ADAT1: variants seen among roughly 807,000 people sequenced by gnomAD.
ADAT1 encodes the protein tRNA-specific adenosine deaminase 1.
A neutral mutation model predicts 58.6 loss-of-function variants in ADAT1; 58 were observed. The observed-to-expected ratio is 0.99, with a 90% CI of 0.80 to 1.23. The LOEUF (loss-of-function observed/expected upper bound fraction) is 1.23, where lower values mean the gene tolerates loss of function less well. Among genes scored for constraint, ADAT1 ranks in the 50% most tolerant of loss-of-function variants. The pLI is 0.00. For synonymous variants in ADAT1, 254 were observed against 220.8 expected (o/e 1.15, Z -1.33); for missense variants, 741 against 608.6 (o/e 1.22, Z -2.29).
chr16:75,604,878 A>G (rs2081329030), intron 8 of ADAT1, among the ~76,000 whole-genome samples: 1 of 152,192 alleles, frequency 6.6e-6, no homozygotes, highest in African/African-American at 2.4e-5. Flanking sequence ...GGAAAGAAAC[A>G]CTACAGTTAA....
chr16:75,607,804 C>T lies in ADAT1; in HGVS notation c.1289+420G>A, dbSNP rs147603645. 3.3e-5 allele frequency among the ~76,000 whole-genome samples: 5 copies of T among 152,302 alleles called. No homozygotes were observed. In the East Asian group the frequency reaches 7.7e-4, roughly 24 times the overall value. ...ATGTTCATAGTTCTACACAGCAGCA[C>T]TATTCACAATAGCCAAAGAGTGAAA... On this transcript the variant is annotated intron_variant, in intron 8 of 9. Coordinates refer to ENST00000564657, the MANE Select transcript of ADAT1 (RefSeq NM_001324445.2).
At chr16:75,601,540 C>T (rs74979299) in intron 9 of ADAT1, among the ~76,000 whole-genome samples, 34,110 of 151,764 alleles carry the variant, frequency 0.22, 5,502 homozygotes, top group East Asian at 0.73. Flanking sequence ...GTGGATCGCC[C>T]GAGGTCAGTA....
rs1205218715 is a variant in ADAT1, at chr16:75,598,312, G to C, written c.*1904C>G. 3.4e-6 allele frequency: 1 copy of C among 293,712 alleles called. No individual in the cohort carries two copies. The highest frequency in any genetic ancestry group is 2.3e-5 in the African/African-American group (1 of 43,188). The allele number at this position is 293,712 out of a possible 1,614,324, so 18.2% of individuals were successfully genotyped here. A position where few individuals can be genotyped will look rare whatever the true frequency, so the allele number is the denominator to read the frequency against. Reference sequence around the variant, plus strand: ...GATGGTCTTGATCTCCTGACGTCGTGATCTGCCCACCTCGGCCTCCTAAAG... The same window carrying C: ...GATGGTCTTGATCTCCTGACGTCGTCATCTGCCCACCTCGGCCTCCTAAAG... On this transcript the variant is annotated 3_prime_UTR_variant, in exon 10 of 10. Transcript: ENST00000564657.
intron 5 of ADAT1, among the ~76,000 whole-genome samples, chr16:75,614,163 C>A (rs1486852269): frequency 6.6e-6 from 1 of 152,044 alleles, no homozygotes; most frequent in African/African-American, 2.4e-5. Context: ...GCACTCCAGC[C>A]TGGGTGACAG....
Position 75,599,811 on chromosome 16 carries a change from T to C in ADAT1, c.*405A>G. On this transcript the variant is annotated 3_prime_UTR_variant, in exon 10 of 10. Transcript: ENST00000564657. The stretch of plus-strand genomic sequence containing the variant: ...AAAGAAAGGCTGGGAATACAAAATA[T>C]ATATTCGCTATGCTAGGCAAAGCTG... The C allele has an allele frequency of 1.0e-6, 1 of 992,704 alleles. No homozygotes were observed. Among genetic ancestry groups the C allele is most frequent in the Non-Finnish European group, 1.2e-6 (1 of 834,404 alleles). The allele number at this position is 992,704 out of a possible 1,614,324, so 61.5% of individuals were successfully genotyped here.
At position 75,597,476 on chromosome 16, in the gene ADAT1, T is replaced by G. The variant is rs146652840; in HGVS notation, c.*2740A>C. ...TTCCTTAGAGCAGCAGTCCCCAACC[T>G]TTTTGGCACCAGGGACTGGTTTCAT... On this transcript the variant is annotated 3_prime_UTR_variant, in exon 10 of 10. Coordinates refer to ENST00000564657, the MANE Select transcript of ADAT1 (RefSeq NM_001324445.2). 1.8e-3 allele frequency: 720 copies of G among 398,190 alleles called. 5 individuals are homozygous for G. Among genetic ancestry groups the G allele is most frequent in the African/African-American group, 0.013 (641 of 48,408 alleles). 24.7% of individuals were successfully genotyped at this position (398,190 alleles called of 1,614,324 possible). A position where few individuals can be genotyped will look rare whatever the true frequency, so the allele number is the denominator to read the frequency against.
chr16:75,621,575 T>TA (rs2081930893), intron 1 of ADAT1, among the ~76,000 whole-genome samples: 1 of 152,164 alleles, frequency 6.6e-6, no homozygotes, highest in African/African-American at 2.4e-5. Context: ...AAGTAATACT[T>TA]ATAAAAAGCA....
At chr16:75,617,335 G>A in intron 4 of ADAT1, 63 bp from the exon 5 acceptor site, 1 of 1,568,104 alleles carries the variant, frequency 6.4e-7, no homozygotes, top group Non-Finnish European at 8.7e-7. Flanking sequence ...GAAAGCCTCT[G>A]GTTGGGTGAT....
intron 2 of ADAT1, 130 bp from the exon 3 acceptor site, chr16:75,620,464 A>T: frequency 7.1e-7 from 1 of 1,409,666 alleles, no homozygotes; most frequent in Non-Finnish European, 9.9e-7. Flanking sequence ...CGGTTCCAGC[A>T]TGGCGGTCTC....
At chr16:75,621,921 G>C (rs2081941796) in intron 1 of ADAT1, among the ~76,000 whole-genome samples, 1 of 152,196 alleles carries the variant, frequency 6.6e-6, no homozygotes. Flanking sequence ...GCCGGGCGCG[G>C]TGGCTCACCT....
At position 75,598,410 on chromosome 16, in the gene ADAT1, G is replaced by C. The variant is rs1312257209; in HGVS notation, c.*1806C>G. 1.2e-5 allele frequency: 2 copies of C among 163,568 alleles called. No homozygotes were observed. The highest frequency in any genetic ancestry group is 4.8e-5 in the African/African-American group (2 of 41,552). 10.1% of individuals were successfully genotyped at this position (163,568 alleles called of 1,614,324 possible). ...TCTGTTGTCTTAAGCCACCCAGCTT[G>C]TGGTACTTCGTTAAGAAACAGCTCT... On this transcript the variant is annotated 3_prime_UTR_variant, in exon 10 of 10. Transcript: ENST00000564657.
Position 75,597,350 on chromosome 16 carries a change from A to G in ADAT1, c.*2866T>C, listed in dbSNP as rs1211089792. 4.4e-6 allele frequency: 2 copies of G among 451,230 alleles called. No homozygotes were observed. Among genetic ancestry groups the G allele is most frequent in the Non-Finnish European group, 8.9e-6 (2 of 224,808 alleles). 28.0% of individuals were successfully genotyped at this position (451,230 alleles called of 1,614,324 possible). On this transcript the variant is annotated 3_prime_UTR_variant, in exon 10 of 10. Coordinates refer to ENST00000564657, the MANE Select transcript of ADAT1 (RefSeq NM_001324445.2). ...GAAGACGGAGGGAGAAACTGAAGTGATGCAGCCACAAGCCAAGGACTGCCA... is the reference window on the plus strand; with the variant it reads ...GAAGACGGAGGGAGAAACTGAAGTGGTGCAGCCACAAGCCAAGGACTGCCA...
intron 4 of ADAT1, 82 bp from the exon 5 acceptor site, chr16:75,617,354 C>T: frequency 2.0e-6 from 3 of 1,491,810 alleles, no homozygotes; most frequent in Admixed American, 1.8e-5. Context: ...ATTACTAAGA[C>T]AGCTTACTGT....
At chr16:75,611,936 T>C (rs892901866) in intron 6 of ADAT1, among the ~76,000 whole-genome samples, 1 of 151,882 alleles carries the variant, frequency 6.6e-6, no homozygotes, top group Non-Finnish European at 1.5e-5. Context: ...CGCATGCCTG[T>C]AGTCCCAGCT....
At chr16:75,618,827 T>C in intron 3 of ADAT1, 187 bp from the exon 4 acceptor site, 2 of 599,832 alleles carry the variant, frequency 3.3e-6, no homozygotes, top group Non-Finnish European at 5.5e-6. Context: ...CCCAGCACTG[T>C]AGACATTTTG....
chr16:75,599,484 G>C lies in ADAT1; in HGVS notation c.*732C>G, dbSNP rs1266599749. 2.0e-6 allele frequency: 2 copies of C among 985,702 alleles called. No homozygotes were observed. The highest frequency in any genetic ancestry group is 5.2e-4 in the Middle Eastern group (1 of 1,936). 61.1% of individuals were successfully genotyped at this position (985,702 alleles called of 1,614,324 possible). A position where few individuals can be genotyped will look rare whatever the true frequency, so the allele number is the denominator to read the frequency against. On this transcript the variant is annotated 3_prime_UTR_variant, in exon 10 of 10. Transcript: ENST00000564657. Reference sequence around the variant, plus strand: ...ACAGGAATCTGTCTCACATAATTGAGACATCTAAACAGTGTTACTAGATCT... The same window carrying C: ...ACAGGAATCTGTCTCACATAATTGACACATCTAAACAGTGTTACTAGATCT...
At chr16:75,606,054 G>C (rs1008272332) in intron 8 of ADAT1, among the ~76,000 whole-genome samples, 10 of 150,130 alleles carry the variant, frequency 6.7e-5, no homozygotes, top group Non-Finnish European at 1.0e-4. Flanking sequence ...TAGAGATTGG[G>C]GGGGGGGTCT....
At chr16:75,608,462 T>G in intron 7 of ADAT1, 139 bp from the exon 8 acceptor site, 1 of 700,168 alleles carries the variant, frequency 1.4e-6, no homozygotes, top group Non-Finnish European at 2.4e-6. Context: ...TGCTATTGGA[T>G]GCTTGGCCTC....
rs894831592 is a variant in ADAT1 at position 75,620,820 on chromosome 16, C to A, written c.-21G>T. On this transcript the variant is annotated splice_region_variant and 5_prime_UTR_variant, in exon 2 of 10. Transcript: ENST00000564657. ...CACATGGTCTGAGCTGGTATTGAGA[C>A]CTTGATCAAAAACCACAACCATCAG... The A allele has an allele frequency of 1.4e-5, 22 of 1,595,000 alleles. No homozygotes were observed. The highest frequency in any genetic ancestry group is 8.1e-5 in the African/African-American group (6 of 74,380).
Sources: gnomAD v4.1 joint callset for allele counts (sites outside exome capture counted in the v4.1 genomes callset) on GRCh38, gnomAD v4.1.1 for gene constraint, MANE v1.5 for transcripts, NCBI Gene and HGNC (gene_info 2026-07-23, HGNC 2026-07-21) for gene names.